SPO11: variants seen among roughly 807,000 people sequenced by gnomAD.
SPO11 encodes SPO11 initiator of meiotic double strand breaks.
A neutral mutation model predicts 51.6 loss-of-function variants in SPO11; 49 were observed. The observed-to-expected ratio is 0.95, with a 90% confidence interval of 0.75 to 1.20. SPO11 has a LOEUF of 1.20. SPO11 is among the 50% of genes most tolerant of loss of function. The probability of loss-of-function intolerance (pLI) is 0.00; values close to 1 mark genes in which losing one functional copy is unlikely to be tolerated. For synonymous variants in SPO11, 176 were observed against 158.2 expected, an observed-to-expected ratio of 1.11 and a Z score of -0.84; for missense variants, 431 against 473.4, an observed-to-expected ratio of 0.91 and a Z score of 0.83.
intron 7 of SPO11, 49 bp from the exon 8 acceptor site, chr20:57,335,749 A>C: frequency 8.6e-7 from 1 of 1,164,770 alleles, no homozygotes. Context: ...TTAGTTGGTG[A>C]TTAAATTGAA....
chr20:57,332,428 A>G (rs926764764), intron 2 of SPO11, among the ~76,000 whole-genome samples: 1 of 152,238 alleles, frequency 6.6e-6, no homozygotes, highest in Non-Finnish European at 1.5e-5. Context: ...TGCCCCTGCT[A>G]AATCATGTGT....
In SPO11 at chr20:57,342,774, C is replaced by A; in HGVS notation, c.1005C>A (p.Asp335Glu). The A allele has an allele frequency of 6.2e-7, 1 of 1,613,540 alleles. No individual in the cohort carries two copies. Among genetic ancestry groups the A allele is most frequent in the Non-Finnish European group, 8.5e-7 (1 of 1,179,674 alleles). Residue 335 changes from aspartate (D) to glutamate (E), a missense_variant, in exon 12 of 13, where the codon GAC becomes GAA. Asp to Glu is a conservative substitution (Grantham distance 45, BLOSUM62 2). This residue lies in a region of SPO11 where 405 missense variants were observed against 425.9 expected (regional missense o/e 0.95). Coordinates refer to ENST00000371263, the MANE Select transcript of SPO11 (RefSeq NM_012444.3). ...GTTTGATTCCACTGACAAAAAGGGA[C>A]CAAATGAAACTTGACAGTATCCTGA... ...KDSLIPLTKR[D>E]QMKLDSILRR... is the part of the protein sequence containing the mutation.
chr20:57,338,962 A>T, intron 9 of SPO11, 27 bp from the exon 10 acceptor site: 1 of 1,406,376 alleles, frequency 7.1e-7, no homozygotes, highest in Non-Finnish European at 9.8e-7. Flanking sequence ...AAGGAGACTA[A>T]TTTTATAGTT....
chr20:57,334,371 G>T (rs1458651858), intron 5 of SPO11, among the ~76,000 whole-genome samples: 1 of 152,052 alleles, frequency 6.6e-6, no homozygotes, highest in East Asian at 1.9e-4. Context: ...AGCCAGGATG[G>T]TCTCGATCTC....
chr20:57,338,122 G>A (rs1288592746), intron 8 of SPO11, among the ~76,000 whole-genome samples, 154 bp from the exon 9 acceptor site: 1 of 152,074 alleles, frequency 6.6e-6, no homozygotes, highest in African/African-American at 2.4e-5. Flanking sequence ...CCTGACCTCA[G>A]GTGATCGATC....
chr20:57,333,668 G>T lies in SPO11; in HGVS notation c.335-19G>T. 1 of 1,327,424 alleles carries T rather than the reference G, an allele frequency of 7.5e-7. No individual in the cohort carries two copies. Among genetic ancestry groups the T allele is most frequent in the South Asian group, 1.2e-5 (1 of 80,370 alleles). 82.2% of individuals were successfully genotyped at this position (1,327,424 alleles called of 1,614,324 possible). A position where few individuals can be genotyped will look rare whatever the true frequency, so the allele number is the denominator to read the frequency against. ...AAGAGAAATGATGAGTAACTTGTTT[G>T]TTGAATTTTATTTTCCAGCTCTAAT... is the stretch of plus-strand genomic sequence containing the variant. On this transcript the variant is annotated intron_variant, in intron 3 of 12. Transcript: ENST00000371263.
In SPO11 at chr20:57,338,458, T is replaced by C. The variant is rs2066540596; in HGVS notation, c.844+83T>C. On this transcript the variant is annotated intron_variant, in intron 9 of 12. Coordinates refer to ENST00000371263, the MANE Select transcript of SPO11 (RefSeq NM_012444.3). The stretch of plus-strand genomic sequence containing the variant: ...GTGTTTTCTTCCTCTTTTTTTTTTT[T>C]TCTTTTTGAGATTGAGTCCTGCTCT... 6 of 1,130,610 alleles carry C rather than the reference T, an allele frequency of 5.3e-6. No individual in the cohort carries two copies. In the Admixed American group the frequency reaches 1.2e-4, roughly 23 times the overall value. The allele number at this position is 1,130,610 out of a possible 1,614,324, so 70.0% of individuals were successfully genotyped here. A position where few individuals can be genotyped will look rare whatever the true frequency, so the allele number is the denominator to read the frequency against.
chr20:57,340,633 G>A (rs971956491), intron 11 of SPO11, among the ~76,000 whole-genome samples: 1 of 152,010 alleles, frequency 6.6e-6, no homozygotes, highest in African/African-American at 2.4e-5. Context: ...GTGTGGTGGT[G>A]GTGTATGCCT....
In SPO11 at chr20:57,334,054, AT is replaced by A; in HGVS notation, c.472del (p.Ser158LeufsTer4). 1 of 1,590,424 alleles carries A rather than the reference AT, an allele frequency of 6.3e-7. No individual in the cohort carries two copies. The highest frequency in any genetic ancestry group is 8.6e-7 in the Non-Finnish European group (1 of 1,166,062). On this transcript the variant is annotated frameshift_variant, in exon 5 of 13. Coordinates refer to ENST00000371263, the MANE Select transcript of SPO11 (RefSeq NM_012444.3). LOFTEE classifies it high-confidence loss of function. Reference sequence around the variant, plus strand: ...TGTCGTCGACAATATTATCAATGACATTTCTTGCATGTTAAAAGTGTCAAGG... The same window carrying A: ...TGTCGTCGACAATATTATCAATGACATTCTTGCATGTTAAAAGTGTCAAGG... ...QTVVDNIIND[I>X]SCMLKVSRRS...
At chr20:57,342,888 A>T in intron 12 of SPO11, 48 bp downstream of exon 12, 1 of 1,318,946 alleles carries the variant, frequency 7.6e-7, no homozygotes, top group Non-Finnish European at 1.1e-6. Context: ...ATTGTCTTTT[A>T]CTTTAGTAGT....
chr20:57,337,399 G>T (rs2066525193), intron 8 of SPO11, among the ~76,000 whole-genome samples: 1 of 151,988 alleles, frequency 6.6e-6, no homozygotes, highest in Non-Finnish European at 1.5e-5. Flanking sequence ...CTCATATGTT[G>T]TTACAGAGCA....
chr20:57,343,588 C>G lies in SPO11; in HGVS notation c.*128C>G. 3 of 1,096,430 alleles carry G rather than the reference C, an allele frequency of 2.7e-6. No individual in the cohort carries two copies. Among genetic ancestry groups the G allele is most frequent in the Non-Finnish European group, 3.7e-6 (3 of 805,764 alleles). 67.9% of individuals were successfully genotyped at this position (1,096,430 alleles called of 1,614,324 possible). On this transcript the variant is annotated 3_prime_UTR_variant, in exon 13 of 13. Transcript: ENST00000371263. ...GTAAAAGTGAAATAAAATAACTTTC[C>G]GTTAATTATATATTTTTGTCAAAAC...
rs906987646 is a variant in SPO11 at position 57,343,259 on chromosome 20, C to G, written c.1072-82C>G. ...TTGTCCCTGGTTTTGGAGAATAAAGCAATTCTAGATTACTAGTTTGTTGAA... is the reference window on the plus strand; with the variant it reads ...TTGTCCCTGGTTTTGGAGAATAAAGGAATTCTAGATTACTAGTTTGTTGAA... On this transcript the variant is annotated intron_variant, in intron 12 of 12. Transcript: ENST00000371263. 57 of 1,510,894 alleles carry G rather than the reference C, an allele frequency of 3.8e-5. No individual in the cohort carries two copies. The African/African-American group carries it at 6.8e-4, about 18-fold the overall frequency. 93.6% of individuals were successfully genotyped at this position (1,510,894 alleles called of 1,614,324 possible). A position where few individuals can be genotyped will look rare whatever the true frequency, so the allele number is the denominator to read the frequency against.
At chr20:57,334,155 A>AT (rs72486602) in intron 5 of SPO11, 60 bp downstream of exon 5, 54,063 of 547,684 alleles carry the variant, frequency 0.099, 10 homozygotes, top group Non-Finnish European at 0.11. Context: ...ATAAAACATA[A>AT]TTTTTTTTTT....
chr20:57,329,824 C>A lies in SPO11; in HGVS notation c.-44C>A. ...ACGCAGCCACGCCCCAAGGGCGCAG[C>A]CTAGGACAGGGGCTTCTGGAGCTTC... On this transcript the variant is annotated 5_prime_UTR_variant, in exon 1 of 13. Coordinates refer to ENST00000371263, the MANE Select transcript of SPO11 (RefSeq NM_012444.3). 6.3e-7 allele frequency: 1 copy of A among 1,591,000 alleles called. No homozygotes were observed. Among genetic ancestry groups the A allele is most frequent in the Non-Finnish European group, 8.6e-7 (1 of 1,167,394 alleles).
In SPO11 at chr20:57,339,527, CA is replaced by C. The variant is rs748538287; in HGVS notation, c.882+502del. ...GGAAGATTCTTAGAAATGCAAATCT[CA>C]GTCCCCATCCAGAACTACTGAGCCA... On this transcript the variant is annotated intron_variant, in intron 10 of 12. Transcript: ENST00000371263. Among the ~76,000 whole-genome samples, 9 of 152,274 alleles carry C rather than the reference CA, an allele frequency of 5.9e-5. No homozygotes were observed. The East Asian group carries it at 1.2e-3, about 20-fold the overall frequency.
chr20:57,338,446 CT>C (rs113456122), intron 9 of SPO11, 71 bp downstream of exon 9: 52,416 of 878,640 alleles, frequency 0.06, no homozygotes, highest in East Asian at 0.074. Flanking sequence ...TTTTCTTCCT[CT>C]TTTTTTTTTT....
intron 2 of SPO11, among the ~76,000 whole-genome samples, chr20:57,332,495 C>G (rs28368073): frequency 1.3e-5 from 2 of 152,056 alleles, no homozygotes; most frequent in Non-Finnish European, 2.9e-5. Context: ...CTAGTTATAC[C>G]GGTTTTTTCC....
intron 11 of SPO11, 126 bp from the exon 12 acceptor site, chr20:57,342,603 G>C (rs2066595934): frequency 4.8e-6 from 3 of 619,616 alleles, no homozygotes; most frequent in Middle Eastern, 4.4e-4. Context: ...GATGTAAGAG[G>C]TAGATCTGTA....
Sources: gnomAD v4.1 joint callset for allele counts (sites outside exome capture counted in the v4.1 genomes callset) on GRCh38, gnomAD v4.1.1 for gene constraint, gnomAD v4.1.1 regional missense constraint, MANE v1.5 for transcripts, NCBI Gene and HGNC (gene_info 2026-07-23, HGNC 2026-07-21) for gene names.